RANBP2: variants seen among roughly 807,000 people sequenced by gnomAD.
RANBP2 encodes the protein RAN binding protein 2.
In RANBP2, 57 loss-of-function variants were observed where a neutral mutation model predicts 303.6. That is an observed-to-expected ratio of 0.19 (90% CI 0.15 to 0.23). The LOEUF is 0.23. Ranked by LOEUF, RANBP2 falls within the 10% of genes least tolerant of loss-of-function variation. The pLI is 1.00. For missense variants in RANBP2, 3,138 were observed against 3,780.8 expected, an observed-to-expected ratio of 0.83 and a Z score of 4.46; for synonymous variants, 1,167 against 1,301.5, an observed-to-expected ratio of 0.90 and a Z score of 2.23.
chr2:108,910,340 G>A, the RANBP2 span: 7 of 808,826 alleles, frequency 8.7e-6, no homozygotes, highest in East Asian at 5.1e-5. Context: ...GTCTGTCGCC[G>A]AACGTCCCCA....
At chr2:109,055,722 G>A in the RANBP2 span, among the ~76,000 whole-genome samples, 1,193 of 144,798 alleles carry the variant, frequency 8.2e-3, 22 homozygotes, top group African/African-American at 0.029. Context: ...GGTATCTGTC[G>A]TAATGTCTTT....
chr2:109,198,148 C>A, the RANBP2 span, among the ~76,000 whole-genome samples: 1 of 152,136 alleles, frequency 6.6e-6, no homozygotes, highest in African/African-American at 2.4e-5. Flanking sequence ...ACTTAGAAGT[C>A]CTGCCCAGTG....
the RANBP2 span, among the ~76,000 whole-genome samples, chr2:109,394,244 T>C: frequency 1.3e-5 from 2 of 152,190 alleles, no homozygotes; most frequent in African/African-American, 4.8e-5. Context: ...AGACAAAGTG[T>C]TGGGAGGGGC....
the RANBP2 span, among the ~76,000 whole-genome samples, chr2:108,848,678 C>T: frequency 0.011 from 1,635 of 152,130 alleles, 18 homozygotes; most frequent in African/African-American, 0.028. Flanking sequence ...GCAACAAATG[C>T]GATGATTTAT....
the RANBP2 span, among the ~76,000 whole-genome samples, chr2:108,851,847 A>G: frequency 1.3e-5 from 2 of 152,064 alleles, no homozygotes; most frequent in African/African-American, 2.4e-5. Flanking sequence ...ATATCATAAC[A>G]CCACAGATAC....
the RANBP2 span, chr2:109,251,672 A>T: frequency 1.4e-5 from 18 of 1,308,364 alleles, no homozygotes; most frequent in African/African-American, 2.3e-4. Context: ...CAGCAGAGAA[A>T]CCCATGTCCT....
chr2:109,297,420 G>C, the RANBP2 span, among the ~76,000 whole-genome samples: 3 of 152,098 alleles, frequency 2.0e-5, no homozygotes, highest in Admixed American at 6.5e-5. Flanking sequence ...GCCTGCAAGA[G>C]GCCTGTGTAC....
the RANBP2 span, among the ~76,000 whole-genome samples, chr2:109,132,225 ATCT>A: frequency 6.6e-6 from 1 of 152,164 alleles, no homozygotes; most frequent in Non-Finnish European, 1.5e-5. Context: ...AGCTCCTTAC[ATCT>A]TCTTTTGGGC....
At chr2:109,688,268 T>C in the RANBP2 span, among the ~76,000 whole-genome samples, 11 of 152,152 alleles carry the variant, frequency 7.2e-5, no homozygotes, top group Non-Finnish European at 1.3e-4. Flanking sequence ...GGTCCAGGCC[T>C]TGGCAACCCC....
chr2:108,879,119 C>G, the RANBP2 span, among the ~76,000 whole-genome samples: 1 of 152,104 alleles, frequency 6.6e-6, no homozygotes, highest in Non-Finnish European at 1.5e-5. Context: ...ACTAGCAAAC[C>G]GTTGCAGTCT....
the RANBP2 span, among the ~76,000 whole-genome samples, chr2:109,050,901 C>T: frequency 2.0e-5 from 3 of 152,036 alleles, no homozygotes; most frequent in South Asian, 2.1e-4. Flanking sequence ...TATATATAAA[C>T]GTATAATTAC....
At chr2:109,060,503 A>T in the RANBP2 span, among the ~76,000 whole-genome samples, 2 of 152,198 alleles carry the variant, frequency 1.3e-5, no homozygotes, top group African/African-American at 4.8e-5. Context: ...TTTTCTCTCC[A>T]CTTCCCACCC....
At chr2:109,700,833 A>G in the RANBP2 span, among the ~76,000 whole-genome samples, 79,046 of 151,700 alleles carry the variant, frequency 0.52, 22,641 homozygotes, top group South Asian at 0.73. Context: ...CGAGGAGTCA[A>G]TGTCATTAGA....
chr2:108,856,464 TGTA>T, the RANBP2 span, among the ~76,000 whole-genome samples: 7 of 152,178 alleles, frequency 4.6e-5, no homozygotes, highest in African/African-American at 1.7e-4. Flanking sequence ...TTTGGAAGCA[TGTA>T]GTAGTTATCA....
the RANBP2 span, chr2:109,585,382 T>C: frequency 7.3e-7 from 1 of 1,364,754 alleles, no homozygotes; most frequent in Non-Finnish European, 1.0e-6. Flanking sequence ...AATACAACTG[T>C]AAATGCCTAG....
chr2:109,398,453 T>C, the RANBP2 span: 3 of 809,492 alleles, frequency 3.7e-6, no homozygotes, highest in Non-Finnish European at 5.7e-6. Flanking sequence ...CAGCCTCTTC[T>C]GTGTTTTCCC....
chr2:109,403,287 A>G, the RANBP2 span, among the ~76,000 whole-genome samples: 19 of 152,088 alleles, frequency 1.2e-4, no homozygotes, highest in Non-Finnish European at 2.5e-4. Flanking sequence ...CCTGTCCCCC[A>G]TCTCTCCTTC....
the RANBP2 span, chr2:109,616,026 T>A: frequency 6.6e-7 from 1 of 1,519,902 alleles, no homozygotes; most frequent in Non-Finnish European, 8.8e-7. Context: ...TAAAGGCCAC[T>A]CGCCCTTCAC....
the RANBP2 span, among the ~76,000 whole-genome samples, chr2:109,718,838 C>T: frequency 4.6e-5 from 7 of 151,540 alleles, no homozygotes; most frequent in Non-Finnish European, 7.4e-5. Context: ...GGTGAAACCC[C>T]GTCTCTACTA....
Sources: gnomAD v4.1 joint callset for allele counts (sites outside exome capture counted in the v4.1 genomes callset) on GRCh38, gnomAD v4.1.1 for gene constraint, MANE v1.5 for transcripts, NCBI Gene and HGNC (gene_info 2026-07-23, HGNC 2026-07-21) for gene names.